FAM227A: variants seen among roughly 807,000 people sequenced by gnomAD.
FAM227A encodes the protein family with sequence similarity 227 member A, also known as protein FAM227A.
In FAM227A, 80 loss-of-function variants were observed where a neutral mutation model predicts 74.7. The ratio of observed to expected loss-of-function variants is 1.07; its 90% CI spans 0.89 to 1.29. The LOEUF (loss-of-function observed/expected upper bound fraction) is 1.29. Ranked by LOEUF, FAM227A falls within the 50% of genes most tolerant of loss-of-function variation. FAM227A has a pLI of 0.00. For missense variants in FAM227A, 654 were observed against 683.4 expected, an observed-to-expected ratio of 0.96 and a Z score of 0.48; for synonymous variants, 237 against 241.8, an observed-to-expected ratio of 0.98 and a Z score of 0.19.
At chr22:38,615,987 C>A (rs186665462) in intron 11 of FAM227A, among the ~76,000 whole-genome samples, 1 of 152,152 alleles carries the variant, frequency 6.6e-6, no homozygotes, top group Non-Finnish European at 1.5e-5. Flanking sequence ...CCGGGAGAGG[C>A]CAGGGCGAAG....
chr22:38,628,807 C>T, intron 7 of FAM227A, 27 bp downstream of exon 7: 1 of 1,274,716 alleles, frequency 7.8e-7, no homozygotes, highest in Non-Finnish European at 1.1e-6. Context: ...TTAAGCAAGG[C>T]AGAGAAACAA....
chr22:38,598,420 GC>G (rs1207606910), intron 14 of FAM227A, among the ~76,000 whole-genome samples: 3 of 152,136 alleles, frequency 2.0e-5, no homozygotes, highest in African/African-American at 7.2e-5. Context: ...ATCTAGGGCT[GC>G]ATATCCCAAC....
intron 15 of FAM227A, among the ~76,000 whole-genome samples, chr22:38,594,701 G>A (rs1170286648): frequency 6.6e-6 from 1 of 152,164 alleles, no homozygotes; most frequent in Non-Finnish European, 1.5e-5. Flanking sequence ...GGTGGCTCAT[G>A]CCTGTAATCC....
chr22:38,649,293 G>C (rs1284223882), intron 2 of FAM227A, among the ~76,000 whole-genome samples: 1 of 152,122 alleles, frequency 6.6e-6, no homozygotes, highest in South Asian at 2.1e-4. Flanking sequence ...GGCCAGATGC[G>C]GTGGCTCATG....
chr22:38,620,129 G>A (rs1452442784), intron 11 of FAM227A, 83 bp downstream of exon 11: 8 of 930,676 alleles, frequency 8.6e-6, no homozygotes, highest in Non-Finnish European at 1.3e-5. Flanking sequence ...ACTAACCGGA[G>A]GCCACTGATG....
intron 8 of FAM227A, 97 bp downstream of exon 8, chr22:38,628,141 A>G (rs905638329): frequency 2.7e-6 from 2 of 740,830 alleles, no homozygotes; most frequent in Non-Finnish European, 2.3e-6. Flanking sequence ...TTTACTAATT[A>G]CTCCCTTATG....
In FAM227A at chr22:38,591,442, T is replaced by TTC. The variant is rs1245863743; in HGVS notation, c.1629_1630dup (p.Lys544ArgfsTer56). 2.6e-6 allele frequency: 4 copies of TTC among 1,551,404 alleles called. No individual in the cohort carries two copies. The highest frequency in any genetic ancestry group is 4.9e-5 in the East Asian group (2 of 40,880). On this transcript the variant is annotated frameshift_variant, in exon 16 of 17. Coordinates refer to ENST00000535113, the MANE Select transcript of FAM227A (RefSeq NM_001013647.2). LOFTEE classifies it low-confidence loss of function (END_TRUNC). ...TTCTCTTTGGAGACTTCCCTTAGTT[T>TTC]TCTTGTCAGGTGATTCCTCATTGAC... is the stretch of plus-strand genomic sequence containing the variant.
intron 11 of FAM227A, among the ~76,000 whole-genome samples, chr22:38,619,816 GT>G (rs1275268052): frequency 6.6e-6 from 1 of 152,178 alleles, no homozygotes; most frequent in Admixed American, 6.5e-5. Flanking sequence ...GAAACAGGTG[GT>G]TCTGGGAGGT....
At chr22:38,620,638 C>CT (rs1209774317) in intron 10 of FAM227A, among the ~76,000 whole-genome samples, 1 of 151,100 alleles carries the variant, frequency 6.6e-6, no homozygotes, top group Admixed American at 6.6e-5. Flanking sequence ...CCTGTCTCTA[C>CT]TAAAAAAAAA....
intron 2 of FAM227A, among the ~76,000 whole-genome samples, chr22:38,646,290 C>G (rs566528503): frequency 8.6e-6 from 1 of 116,600 alleles, no homozygotes; most frequent in Non-Finnish European, 1.6e-5. Context: ...GACGGAGTCT[C>G]GCTCTGTCGC....
chr22:38,605,253 C>G lies in FAM227A; in HGVS notation c.1221+1G>C. Reference sequence around the variant, plus strand: ...TATTAAATTTCCAATCATGTGCTCACCTTTTTAGGAAACATATTCTCACAT... The same window carrying G: ...TATTAAATTTCCAATCATGTGCTCAGCTTTTTAGGAAACATATTCTCACAT... On this transcript the variant is annotated splice_donor_variant, in intron 13 of 16. Transcript: ENST00000535113. LOFTEE classifies it high-confidence loss of function. The G allele has an allele frequency of 6.5e-7, 1 of 1,531,290 alleles. No individual in the cohort carries two copies. The highest frequency in any genetic ancestry group is 1.2e-5 in the South Asian group (1 of 83,644). 94.9% of individuals were successfully genotyped at this position (1,531,290 alleles called of 1,614,324 possible).
At chr22:38,631,174 AC>A (rs1202976533) in intron 6 of FAM227A, among the ~76,000 whole-genome samples, 1 of 152,180 alleles carries the variant, frequency 6.6e-6, no homozygotes, top group Non-Finnish European at 1.5e-5. Flanking sequence ...ACTCAAAAAA[AC>A]AAAACAAAAC....
chr22:38,594,707 A>G (rs2091006728), intron 15 of FAM227A, among the ~76,000 whole-genome samples: 1 of 152,204 alleles, frequency 6.6e-6, no homozygotes, highest in South Asian at 2.1e-4. Flanking sequence ...TCATGCCTGT[A>G]ATCCCAGCAC....
intron 12 of FAM227A, among the ~76,000 whole-genome samples, chr22:38,606,702 C>G (rs2091291478): frequency 6.6e-6 from 1 of 152,194 alleles, no homozygotes; most frequent in South Asian, 2.1e-4. Context: ...TCTGTACTAT[C>G]ACAGTCACCA....
intron 1 of FAM227A, among the ~76,000 whole-genome samples, chr22:38,655,895 G>A (rs1403425113): frequency 6.6e-6 from 1 of 152,152 alleles, no homozygotes; most frequent in Admixed American, 6.5e-5. Context: ...CTCCTTGAAC[G>A]GCCTAAGTTT....
intron 14 of FAM227A, 134 bp downstream of exon 14, chr22:38,599,630 G>T: frequency 1.4e-6 from 1 of 720,626 alleles, no homozygotes; most frequent in Non-Finnish European, 2.0e-6. Context: ...CGCACCACTG[G>T]CCACCTCTGG....
intron 10 of FAM227A, among the ~76,000 whole-genome samples, chr22:38,621,577 C>A (rs533713504): frequency 6.6e-6 from 1 of 152,080 alleles, no homozygotes; most frequent in Non-Finnish European, 1.5e-5. Flanking sequence ...TGCACTCCAG[C>A]CTGGGCGACA....
intron 10 of FAM227A, 64 bp from the exon 11 acceptor site, chr22:38,620,355 G>A: frequency 7.5e-7 from 1 of 1,331,892 alleles, no homozygotes; most frequent in African/African-American, 1.5e-5. Context: ...TTGTAGCCCA[G>A]GAGCTTGAGA....
intron 11 of FAM227A, among the ~76,000 whole-genome samples, chr22:38,612,510 G>T (rs1393498580): frequency 6.6e-6 from 1 of 152,078 alleles, no homozygotes; most frequent in Non-Finnish European, 1.5e-5. Flanking sequence ...AGCTCAAATG[G>T]TATCTTCTGG....
Sources: allele counts gnomAD v4.1 joint callset (sites outside exome capture counted in the v4.1 genomes callset), GRCh38; gene constraint gnomAD v4.1.1; transcripts MANE v1.5; gene names NCBI Gene and HGNC (gene_info 2026-07-23, HGNC 2026-07-21).